FTO: variants seen among roughly 807,000 people sequenced by gnomAD.
FTO encodes the protein FTO alpha-ketoglutarate dependent dioxygenase.
A neutral mutation model predicts 63.9 loss-of-function variants in FTO; 47 were observed. That is an observed-to-expected ratio of 0.74 (90% CI 0.58 to 0.94). The LOEUF is 0.94. Ranked by LOEUF, FTO falls within the 40% of genes least tolerant of loss-of-function variation. The pLI, the probability that FTO is intolerant of heterozygous loss-of-function variation, is 0.00. For synonymous variants in FTO, 207 were observed against 224.4 expected (o/e 0.92, Z 0.69); for missense variants, 562 against 618.1 (o/e 0.91, Z 0.96).
At chr16:53,992,210 A>G (rs1297097261) in intron 8 of FTO, 1 of 152,222 alleles carries the variant, frequency 6.6e-6, no homozygotes, top group Non-Finnish European at 1.5e-5. Flanking sequence ...ATCTTTACAA[A>G]TGTGCCTGGT....
chr16:54,025,870 G>A (rs569386758), intron 8 of FTO, among the ~76,000 whole-genome samples: 2 of 152,224 alleles, frequency 1.3e-5, no homozygotes, highest in African/African-American at 4.8e-5. Context: ...AAAATTATCC[G>A]GGCATGGGGG....
intron 8 of FTO, among the ~76,000 whole-genome samples, chr16:54,064,799 G>A (rs2085678798): frequency 6.6e-6 from 1 of 152,138 alleles, no homozygotes; most frequent in African/African-American, 2.4e-5. Flanking sequence ...AAGAGGGTGA[G>A]CCCCTTGCCA....
At chr16:53,741,940 C>T (rs1055935467) in intron 1 of FTO, among the ~76,000 whole-genome samples, 3 of 152,086 alleles carry the variant, frequency 2.0e-5, no homozygotes, top group Non-Finnish European at 2.9e-5. Context: ...AAGTGACAGA[C>T]CCATACTGGC....
chr16:53,789,178 A>G lies in FTO; in HGVS notation c.46-20962A>G, dbSNP rs1424742444. ...ATACCCTGGAAATGGAACCATTGGC[A>G]TAACCTTGTGTCTAATATAATAACA... On this transcript the variant is annotated intron_variant, in intron 1 of 8. Transcript: ENST00000471389. Among the ~76,000 whole-genome samples the G allele has an allele frequency of 2.6e-5, 4 of 152,342 alleles. No homozygotes were observed. In the East Asian group the frequency reaches 7.7e-4, roughly 29 times the overall value.
At chr16:53,826,631 A>G in intron 3 of FTO, 140 bp downstream of exon 3, 2 of 782,196 alleles carry the variant, frequency 2.6e-6, no homozygotes, top group South Asian at 1.6e-5. Context: ...GTGTGTGTGT[A>G]TCATGTGTCC....
intron 7 of FTO, chr16:53,923,044 CTCTACTGAAG>C (rs1346698716): frequency 6.6e-6 from 1 of 152,112 alleles, no homozygotes; most frequent in African/African-American, 2.4e-5. Context: ...GAAGAGTAGA[CTCTACTGAAG>C]CAAACCAATC....
At chr16:53,796,914 G>T (rs1281603026) in intron 1 of FTO, among the ~76,000 whole-genome samples, 1 of 152,182 alleles carries the variant, frequency 6.6e-6, no homozygotes, top group Non-Finnish European at 1.5e-5. Flanking sequence ...CTCCTAATTT[G>T]TGTCCCTCAG....
chr16:53,989,728 A>C (rs1348403729), intron 8 of FTO, among the ~76,000 whole-genome samples: 1 of 152,060 alleles, frequency 6.6e-6, no homozygotes, highest in Admixed American at 6.6e-5. Context: ...TTATACGTGG[A>C]TCTTTCAAAA....
rs904526375 is a variant in FTO, at chr16:53,784,598, C to T, written c.46-25542C>T. On this transcript the variant is annotated intron_variant, in intron 1 of 8. Coordinates refer to ENST00000471389, the MANE Select transcript of FTO (RefSeq NM_001080432.3). Reference sequence around the variant, plus strand: ...GGTGGGACTTGGGGCATCCTACCAGCGAAAAAGAGACTAAGTTTAAGTGAT... The same window carrying T: ...GGTGGGACTTGGGGCATCCTACCAGTGAAAAAGAGACTAAGTTTAAGTGAT... Among the ~76,000 whole-genome samples the T allele has an allele frequency of 1.3e-4, 19 of 151,978 alleles. No homozygotes were observed. The South Asian group carries it at 1.9e-3, about 15-fold the overall frequency.
chr16:53,753,284 T>C (rs1482583080), intron 1 of FTO, among the ~76,000 whole-genome samples: 1 of 146,058 alleles, frequency 6.8e-6, no homozygotes, highest in South Asian at 2.2e-4. Flanking sequence ...CAAAACAAAA[T>C]GCAAAACCAG....
chr16:54,002,331 T>A (rs13335453), intron 8 of FTO, among the ~76,000 whole-genome samples: 2 of 152,010 alleles, frequency 1.3e-5, no homozygotes, highest in African/African-American at 2.4e-5. Context: ...CAATACACAC[T>A]TGACTGTCAT....
chr16:53,740,365 G>C (rs545559510), intron 1 of FTO, among the ~76,000 whole-genome samples: 6 of 152,156 alleles, frequency 3.9e-5, no homozygotes, highest in Non-Finnish European at 8.8e-5. Flanking sequence ...CGTATATTTT[G>C]AAAACAGTTG....
intron 7 of FTO, 36 bp from the exon 8 acceptor site, chr16:53,933,949 A>G (rs748703500): frequency 7.5e-6 from 12 of 1,605,834 alleles, no homozygotes; most frequent in Non-Finnish European, 1.0e-5. Flanking sequence ...TTAATTTTTC[A>G]CTTTTTCTTT....
chr16:53,780,910 T>G lies in FTO; in HGVS notation c.46-29230T>G, dbSNP rs570331947. Among the ~76,000 whole-genome samples, 10 of 152,360 alleles carry G rather than the reference T, an allele frequency of 6.6e-5. No homozygotes were observed. The South Asian group carries it at 1.4e-3, about 22-fold the overall frequency. On this transcript the variant is annotated intron_variant, in intron 1 of 8. Transcript: ENST00000471389. ...GCATCTTTTATGGTTTCTGACACAT[T>G]GTACATAATCAAAAAATGTTAAATA...
In FTO at chr16:54,121,078, A is replaced by T. The variant is rs1443973355; in HGVS notation, c.*9163A>T. 6.6e-6 allele frequency: 1 copy of T among 152,422 alleles called. No homozygotes were observed. The highest frequency in any genetic ancestry group is 1.5e-5 in the Non-Finnish European group (1 of 68,056). 9.4% of individuals were successfully genotyped at this position (152,422 alleles called of 1,614,324 possible). ...TATAAAGTTTTATTGGAACGCAGCC[A>T]TGCTCATCGGTTTATGTATTATCTA... On this transcript the variant is annotated 3_prime_UTR_variant, in exon 9 of 9. Transcript: ENST00000471389.
At chr16:53,930,863 T>A (rs1417306819) in intron 7 of FTO, among the ~76,000 whole-genome samples, 1 of 152,238 alleles carries the variant, frequency 6.6e-6, no homozygotes, top group Admixed American at 6.5e-5. Context: ...ATCCATTTTA[T>A]GAGTTTATAA....
At chr16:53,811,015 T>G (rs1218044634) in intron 2 of FTO, among the ~76,000 whole-genome samples, 1 of 152,174 alleles carries the variant, frequency 6.6e-6, no homozygotes, top group Non-Finnish European at 1.5e-5. Flanking sequence ...AGTAATCCTG[T>G]TGGCCTGGTT....
intron 8 of FTO, among the ~76,000 whole-genome samples, chr16:54,089,994 A>G (rs1000445071): frequency 5.9e-5 from 9 of 152,160 alleles, no homozygotes; most frequent in Non-Finnish European, 1.5e-5. Flanking sequence ...AAAATTACAC[A>G]TAGAATTACC....
chr16:53,704,075 A>C, upstream of FTO: 4 of 1,137,794 alleles, frequency 3.5e-6, no homozygotes, highest in Non-Finnish European at 5.2e-6. Flanking sequence ...ACTCAGAGGG[A>C]GAATAGCTCC....
Sources: allele counts gnomAD v4.1 joint callset (sites outside exome capture counted in the v4.1 genomes callset), GRCh38; gene constraint gnomAD v4.1.1; transcripts MANE v1.5; gene names NCBI Gene and HGNC (gene_info 2026-07-23, HGNC 2026-07-21).